KLF12: variants seen among roughly 807,000 people sequenced by gnomAD.
The protein encoded by KLF12 is Krueppel-like factor 12.
KLF12 carries 9 observed loss-of-function variants against 37.8 expected under a neutral mutation model. That is an observed-to-expected ratio of 0.24 (90% CI 0.14 to 0.42). KLF12 has a LOEUF of 0.42. Ranked by LOEUF, KLF12 falls within the 10% of genes least tolerant of loss-of-function variation. The probability of loss-of-function intolerance (pLI) is 1.00; values close to 1 mark genes in which losing one functional copy is unlikely to be tolerated. For synonymous variants in KLF12, 208 were observed against 202.1 expected (o/e 1.03, Z -0.25); for missense variants, 411 against 516.0 (o/e 0.80, Z 1.97).
At chr13:74,225,040 C>T in the KLF12 span, among the ~76,000 whole-genome samples, 2 of 152,114 alleles carry the variant, frequency 1.3e-5, no homozygotes, top group East Asian at 1.9e-4. Context: ...TACTAAATGG[C>T]TTTCTCCTTG....
intron 3 of KLF12, among the ~76,000 whole-genome samples, chr13:73,874,370 C>T (rs928169755): frequency 2.6e-5 from 4 of 152,128 alleles, no homozygotes; most frequent in African/African-American, 4.8e-5. Flanking sequence ...CTGTTCAATA[C>T]GTTTAAGCAA....
intron 1 of KLF12, among the ~76,000 whole-genome samples, chr13:74,014,700 C>T (rs548872645): frequency 9.2e-5 from 14 of 152,182 alleles, no homozygotes; most frequent in Non-Finnish European, 1.8e-4. Context: ...TCAGTGCCTT[C>T]GCAGTTCAAT....
intron 7 of KLF12, among the ~76,000 whole-genome samples, chr13:73,705,115 G>A (rs945181601): frequency 2.6e-5 from 4 of 152,092 alleles, no homozygotes; most frequent in Non-Finnish European, 4.4e-5. Context: ...CAAATATTTT[G>A]TTTTAAACCT....
intron 6 of KLF12, among the ~76,000 whole-genome samples, chr13:73,745,623 G>C (rs959089634): frequency 6.6e-6 from 1 of 152,066 alleles, no homozygotes; most frequent in Non-Finnish European, 1.5e-5. Context: ...AGTGTAAAAA[G>C]AAAAAGAAAA....
intron 6 of KLF12, among the ~76,000 whole-genome samples, chr13:73,742,750 G>A (rs1878095084): frequency 6.6e-6 from 1 of 152,124 alleles, no homozygotes; most frequent in African/African-American, 2.4e-5. Context: ...TTAAGATAGA[G>A]GTCACACAGT....
rs376888754 is a variant in KLF12 at position 73,850,852 on chromosome 13, T to TTA, written c.124-4481_124-4480dup. On this transcript the variant is annotated intron_variant, in intron 3 of 7. Coordinates refer to ENST00000377669, the MANE Select transcript of KLF12 (RefSeq NM_007249.5). ...ATTTCATGGCAATTTTTAGAAAAGATTATAAAGTAACTTGCCTAACATTAC... is the reference window on the plus strand; with the variant it reads ...ATTTCATGGCAATTTTTAGAAAAGATTATATAAAGTAACTTGCCTAACATTAC... Among the ~76,000 whole-genome samples, 1,014 of 152,356 alleles carry TTA rather than the reference T, an allele frequency of 6.7e-3. 5 individuals are homozygous for TTA. Among genetic ancestry groups the TTA allele is most frequent in the Non-Finnish European group, 0.01 (704 of 68,026 alleles).
chr13:74,004,117 A>G (rs1892353151), intron 1 of KLF12, among the ~76,000 whole-genome samples: 1 of 152,166 alleles, frequency 6.6e-6, no homozygotes, highest in South Asian at 2.1e-4. Context: ...TTTTTAAAGA[A>G]TCCTTTCAGT....
In KLF12 at chr13:73,871,412, C is replaced by T. The variant is rs572294383; in HGVS notation, c.124-25039G>A. ...TTAGAGTGGTTCGTGTTTCCTGTACCATACACTAACTGACAATTGTTAAGA... is the reference window on the plus strand; with the variant it reads ...TTAGAGTGGTTCGTGTTTCCTGTACTATACACTAACTGACAATTGTTAAGA... On this transcript the variant is annotated intron_variant, in intron 3 of 7. Transcript: ENST00000377669. 2.4e-4 allele frequency among the ~76,000 whole-genome samples: 37 copies of T among 152,190 alleles called. 1 individual carries two copies. Among genetic ancestry groups the T allele is most frequent in the Admixed American group, 1.1e-3 (17 of 15,286 alleles).
chr13:73,975,328 A>C (rs1891482117), intron 2 of KLF12, among the ~76,000 whole-genome samples: 1 of 152,168 alleles, frequency 6.6e-6, no homozygotes, highest in African/African-American at 2.4e-5. Flanking sequence ...TACAGGCTTA[A>C]AAAGATCTCA....
Position 73,764,985 on chromosome 13 carries a change from T to C in KLF12, c.822A>G (p.Pro274=), listed in dbSNP as rs762473440. The C allele has an allele frequency of 2.5e-6, 4 of 1,570,252 alleles. No individual in the cohort carries two copies. Among genetic ancestry groups the C allele is most frequent in the East Asian group, 2.2e-5 (1 of 44,784 alleles). The change falls in exon 6 of 8, where the codon CCA becomes CCG. Residue 274 remains proline, a synonymous_variant. Transcript: ENST00000377669. ...TTCGATTGCCCCGGACCCTTGATACTGGGGACGGATGTACCCTGTAGACAG... is the reference window on the plus strand; with the variant it reads ...TTCGATTGCCCCGGACCCTTGATACCGGGGACGGATGTACCCTGTAGACAG...
the KLF12 span, among the ~76,000 whole-genome samples, chr13:74,296,515 T>C: frequency 2.0e-5 from 3 of 152,148 alleles, no homozygotes; most frequent in Non-Finnish European, 4.4e-5. Flanking sequence ...GAGATAGTTA[T>C]TAGGTAGATA....
chr13:74,294,159 T>G, the KLF12 span, among the ~76,000 whole-genome samples: 27 of 152,326 alleles, frequency 1.8e-4, no homozygotes, highest in Admixed American at 2.6e-4. Context: ...GAACCACACT[T>G]TGAGTAAGTA....
chr13:74,290,935 A>G, the KLF12 span, among the ~76,000 whole-genome samples: 1 of 152,234 alleles, frequency 6.6e-6, no homozygotes, highest in African/African-American at 2.4e-5. Context: ...CAGAACTTTC[A>G]CTGAAGTGTT....
At chr13:74,164,154 T>A in the KLF12 span, among the ~76,000 whole-genome samples, 8 of 152,148 alleles carry the variant, frequency 5.3e-5, no homozygotes, top group Admixed American at 5.2e-4. Flanking sequence ...ATTCTAGTCA[T>A]GTTTGTCACT....
At chr13:73,979,653 T>C (rs892831890) in intron 2 of KLF12, among the ~76,000 whole-genome samples, 1 of 152,124 alleles carries the variant, frequency 6.6e-6, no homozygotes, top group African/African-American at 2.4e-5. Flanking sequence ...CAATCAATCA[T>C]TATGAAATAA....
At position 73,691,560 on chromosome 13, in the gene KLF12, C is replaced by G. The variant is rs1873823512; in HGVS notation, c.*3930G>C. ...AACATGGATGCTGGTATTCTTAACA[C>G]TGCTTAATTTCTGTCAATCCTCACT... On this transcript the variant is annotated 3_prime_UTR_variant, in exon 8 of 8. Coordinates refer to ENST00000377669, the MANE Select transcript of KLF12 (RefSeq NM_007249.5). The G allele has an allele frequency of 6.6e-6, 1 of 152,592 alleles. No individual in the cohort carries two copies. The highest frequency in any genetic ancestry group is 2.1e-4 in the South Asian group (1 of 4,822). 9.5% of individuals were successfully genotyped at this position (152,592 alleles called of 1,614,324 possible). A position where few individuals can be genotyped will look rare whatever the true frequency, so the allele number is the denominator to read the frequency against.
chr13:74,097,740 G>A (rs1015215234), intron 1 of KLF12, among the ~76,000 whole-genome samples: 1 of 150,450 alleles, frequency 6.6e-6, no homozygotes, highest in African/African-American at 2.4e-5. Context: ...GTGTGTGTAT[G>A]TTCATGTGCT....
chr13:74,162,102 T>C, the KLF12 span, among the ~76,000 whole-genome samples: 3 of 152,206 alleles, frequency 2.0e-5, no homozygotes. Flanking sequence ...ATATATTACT[T>C]TTATTTCCAA....
intron 4 of KLF12, among the ~76,000 whole-genome samples, chr13:73,834,466 G>A (rs1243199852): frequency 6.6e-6 from 1 of 152,088 alleles, no homozygotes; most frequent in East Asian, 1.9e-4. Flanking sequence ...AACTCTTTCT[G>A]TCCCAAGACA....
Sources: gnomAD v4.1 joint callset for allele counts (sites outside exome capture counted in the v4.1 genomes callset) on GRCh38, gnomAD v4.1.1 for gene constraint, MANE v1.5 for transcripts, NCBI Gene and HGNC (gene_info 2026-07-23, HGNC 2026-07-21) for gene names.